WNT9B: variants seen among roughly 807,000 people sequenced by gnomAD.
WNT9B encodes Wnt family member 9B, also known as protein Wnt-9b.
In WNT9B, 12 loss-of-function variants were observed where a neutral mutation model predicts 30.2. The observed-to-expected ratio is 0.40, with a 90% CI of 0.26 to 0.64. WNT9B has a LOEUF of 0.64. Ranked by LOEUF, WNT9B falls within the 30% of genes least tolerant of loss-of-function variation. The pLI is 0.42. For missense variants in WNT9B, 442 were observed against 485.2 expected (o/e 0.91, Z 0.84); for synonymous variants, 218 against 216.9 (o/e 1.01, Z -0.05).
At chr17:46,839,932 CT>C (rs1181400204) in intron 1 of WNT9B, among the ~76,000 whole-genome samples, 1 of 138,288 alleles carries the variant, frequency 7.2e-6, no homozygotes, top group African/African-American at 2.6e-5. Context: ...TTCTTTCTTT[CT>C]TTCTTTCTTT....
At chr17:46,841,518 G>A (rs749459048) in intron 1 of WNT9B, among the ~76,000 whole-genome samples, 4 of 152,248 alleles carry the variant, frequency 2.6e-5, no homozygotes, top group Non-Finnish European at 5.9e-5. Flanking sequence ...GTGCCAACAG[G>A]CCAACTAAGC....
At chr17:46,873,773 C>T (rs539367202) in intron 2 of WNT9B, among the ~76,000 whole-genome samples, 4 of 150,574 alleles carry the variant, frequency 2.7e-5, no homozygotes, top group East Asian at 1.9e-4. Context: ...TTTGAGAGGC[C>T]GAGGTCAGGA....
chr17:46,883,101 C>T (rs931544508), downstream of WNT9B, among the ~76,000 whole-genome samples: 1 of 151,220 alleles, frequency 6.6e-6, no homozygotes, highest in African/African-American at 2.4e-5. Context: ...GCCTCAGCCT[C>T]CCGAGTAGCT....
chr17:46,863,096 A>C (rs1464340340), intron 1 of WNT9B, among the ~76,000 whole-genome samples: 1 of 131,136 alleles, frequency 7.6e-6, no homozygotes, highest in Non-Finnish European at 1.6e-5. Flanking sequence ...ATACGCCAGC[A>C]ATCAGTCGTG....
At chr17:46,866,609 G>A (rs560336852) in intron 1 of WNT9B, among the ~76,000 whole-genome samples, 6 of 152,206 alleles carry the variant, frequency 3.9e-5, no homozygotes, top group African/African-American at 1.4e-4. Flanking sequence ...AGCATCTGAT[G>A]GGGTTTTTCA....
At chr17:46,855,211 CAG>C (rs1315258483) in intron 1 of WNT9B, among the ~76,000 whole-genome samples, 1 of 152,210 alleles carries the variant, frequency 6.6e-6, no homozygotes, top group African/African-American at 2.4e-5. Context: ...GCAGTGGCTG[CAG>C]AGAGGCCGAA....
chr17:46,876,373 C>T lies in WNT9B; in HGVS notation c.729C>T (p.Asp243=). The T allele has an allele frequency of 6.2e-7, 1 of 1,614,024 alleles. No homozygotes were observed. Among genetic ancestry groups the T allele is most frequent in the Non-Finnish European group, 8.5e-7 (1 of 1,180,050 alleles). The change falls in exon 4 of 4, where the codon GAC becomes GAT. Residue 243 remains aspartate (D), a synonymous_variant. Transcript: ENST00000290015. ...ETGQVLKLRY[D]SAVKVSSATN... Reference sequence around the variant, plus strand: ...GCCAGGTGCTGAAACTGCGCTATGACTCGGCTGTCAAGGTGTCCAGTGCCA... The same window carrying T: ...GCCAGGTGCTGAAACTGCGCTATGATTCGGCTGTCAAGGTGTCCAGTGCCA...
chr17:46,835,927 C>A (rs1034983182), intron 1 of WNT9B, among the ~76,000 whole-genome samples: 2 of 152,208 alleles, frequency 1.3e-5, no homozygotes, highest in African/African-American at 4.8e-5. Context: ...TGGGACAGGA[C>A]TCTCCTGGTG....
rs1485145531 is a variant in WNT9B at position 46,873,090 on chromosome 17, A to T, written c.334+317A>T. ...CAGTTGTCTCCCTCTGCCTCTTCAC[A>T]CACACACACACACACACACACACAC... On this transcript the variant is annotated intron_variant, in intron 2 of 3. Coordinates refer to ENST00000290015, the MANE Select transcript of WNT9B (RefSeq NM_003396.3). 3.2e-3 allele frequency among the ~76,000 whole-genome samples: 30 copies of T among 9,288 alleles called. 1 individual carries two copies. The highest frequency in any genetic ancestry group is 0.021 in the South Asian group (10 of 476). 6.1% of individuals were successfully genotyped at this position (9,288 alleles called of 152,430 possible).
At position 46,879,872 on chromosome 17, in the gene WNT9B, G is replaced by T. The variant is rs1171606103; in HGVS notation, c.*3154G>T. On this transcript the variant is annotated 3_prime_UTR_variant, in exon 4 of 4. Transcript: ENST00000290015. ...GTCCCATGTCTCAGGGGCTTTGGCT[G>T]CCTGAGAAGGCTGGAGAGACCAGGA... is the stretch of plus-strand genomic sequence containing the variant. 6.6e-6 allele frequency among the ~76,000 whole-genome samples: 1 copy of T among 152,214 alleles called. No homozygotes were observed. The highest frequency in any genetic ancestry group is 2.4e-5 in the African/African-American group (1 of 41,458).
At chr17:46,838,602 G>A (rs1598824554) in intron 1 of WNT9B, among the ~76,000 whole-genome samples, 1 of 152,092 alleles carries the variant, frequency 6.6e-6, no homozygotes, top group African/African-American at 2.4e-5. Flanking sequence ...ACTCCAGCCT[G>A]GGCGACAGAG....
At chr17:46,886,230 T>A (rs2085487261) in exon 5 of WNT9B, 1 of 152,256 alleles carries the variant, frequency 6.6e-6, no homozygotes, top group Non-Finnish European at 1.5e-5. Context: ...CATGCACTAG[T>A]TGCATTGGTA....
chr17:46,884,103 A>G (rs1005305275), downstream of WNT9B, among the ~76,000 whole-genome samples: 6 of 152,052 alleles, frequency 3.9e-5, no homozygotes, highest in Admixed American at 3.3e-4. Flanking sequence ...ACGTCTCAAC[A>G]AGTCCAGGGT....
intron 3 of WNT9B, among the ~76,000 whole-genome samples, 153 bp from the exon 4 acceptor site, chr17:46,876,092 A>G (rs1272511772): frequency 6.6e-6 from 1 of 152,216 alleles, no homozygotes; most frequent in African/African-American, 2.4e-5. Context: ...CTATTCCACA[A>G]GAACTCCAGG....
At chr17:46,847,833 G>A (rs527906787), upstream of WNT9B, among the ~76,000 whole-genome samples, 18 of 152,350 alleles carry the variant, frequency 1.2e-4, no homozygotes, top group Non-Finnish European at 2.5e-4. Flanking sequence ...GTTCCTGAGG[G>A]TTTGTTTCAG....
chr17:46,847,662 C>T (rs1198444237), upstream of WNT9B, among the ~76,000 whole-genome samples: 1 of 152,138 alleles, frequency 6.6e-6, no homozygotes, highest in Admixed American at 6.5e-5. Context: ...AGCATGGGCA[C>T]CTTCCCTCGG....
rs1197436225 is a variant in WNT9B at position 46,876,566 on chromosome 17, G to C, written c.922G>C (p.Glu308Gln). The change falls in exon 4 of 4, where the codon GAG (glutamate) becomes CAG (glutamine). Residue 308 changes from glutamate to glutamine, a missense_variant. Coordinates refer to ENST00000290015, the MANE Select transcript of WNT9B (RefSeq NM_003396.3). ...CACAGCAGGTAGGGTGTGCTCCCGG[G>C]AGGCCAGCTGCAGCAGCCTGTGCTG... is the stretch of plus-strand genomic sequence containing the variant. ...PGTAGRVCSR[E>Q]ASCSSLCCGR... is the part of the protein sequence containing the mutation. 1.2e-6 allele frequency: 2 copies of C among 1,613,684 alleles called. No homozygotes were observed. The highest frequency in any genetic ancestry group is 1.7e-6 in the Non-Finnish European group (2 of 1,180,010).
At chr17:46,876,047 G>T (rs1015999225) in intron 3 of WNT9B, among the ~76,000 whole-genome samples, 198 bp from the exon 4 acceptor site, 9 of 152,184 alleles carry the variant, frequency 5.9e-5, no homozygotes, top group Admixed American at 2.0e-4. Flanking sequence ...CAGTTGGTGT[G>T]AACTGGGACT....
chr17:46,883,646 A>G (rs2085453624), downstream of WNT9B, among the ~76,000 whole-genome samples: 1 of 152,158 alleles, frequency 6.6e-6, no homozygotes, highest in Admixed American at 6.5e-5. Context: ...GCTACACAAT[A>G]AGTAGCAGGG....
Sources: gnomAD v4.1 joint callset for allele counts (sites outside exome capture counted in the v4.1 genomes callset) on GRCh38, gnomAD v4.1.1 for gene constraint, MANE v1.5 for transcripts, NCBI Gene and HGNC (gene_info 2026-07-23, HGNC 2026-07-21) for gene names.